BRWD1: variants seen among roughly 807,000 people sequenced by gnomAD.
The protein encoded by BRWD1 is bromodomain and WD repeat domain containing 1.
Under a neutral mutation model 251.2 loss-of-function variants are expected in BRWD1, and 82 were observed. The ratio of observed to expected loss-of-function variants is 0.33; its 90% CI spans 0.27 to 0.39. BRWD1 has a LOEUF of 0.39. Among genes scored for constraint, BRWD1 ranks in the 10% least tolerant of loss-of-function variants. The pLI is 1.00. For missense variants in BRWD1, 2,233 were observed against 2,711.6 expected, an observed-to-expected ratio of 0.82 and a Z score of 3.92; for synonymous variants, 918 against 902.8, an observed-to-expected ratio of 1.02 and a Z score of -0.30.
At chr21:39,312,773 G>A (rs1194763857) in intron 4 of BRWD1, 68 bp downstream of exon 4, 2 of 1,367,406 alleles carry the variant, frequency 1.5e-6, no homozygotes, top group East Asian at 2.7e-5. Flanking sequence ...GGGTCCCCGC[G>A]AGGGGAAGGG....
At chr21:39,276,772 T>C (rs1466393735) in intron 11 of BRWD1, among the ~76,000 whole-genome samples, 1 of 152,140 alleles carries the variant, frequency 6.6e-6, no homozygotes, top group African/African-American at 2.4e-5. Flanking sequence ...ACAGGCTCAC[T>C]TAAAGTTAAC....
At chr21:39,219,551 G>C (rs1480001298) in intron 29 of BRWD1, 1 of 152,226 alleles carries the variant, frequency 6.6e-6, no homozygotes. Context: ...CTCAGAGCAC[G>C]TTTACAATGA....
chr21:39,251,984 C>T (rs183619602), intron 19 of BRWD1, among the ~76,000 whole-genome samples: 167 of 152,116 alleles, frequency 1.1e-3, no homozygotes, highest in Non-Finnish European at 2.0e-3. Context: ...AATTTTTATA[C>T]GGCCGGGCGC....
chr21:39,260,942 C>T lies in BRWD1; in HGVS notation c.1886-2270G>A, dbSNP rs150839750. On this transcript the variant is annotated intron_variant, in intron 17 of 40. Transcript: ENST00000342449. Reference sequence around the variant, plus strand: ...ATTTGACTAAATACTGATACGTGGCCGGGCATGGTGGCTCACGCCTGTCTG... The same window carrying T: ...ATTTGACTAAATACTGATACGTGGCTGGGCATGGTGGCTCACGCCTGTCTG... Among the ~76,000 whole-genome samples, 4 of 152,238 alleles carry T rather than the reference C, an allele frequency of 2.6e-5. No homozygotes were observed. In the East Asian group the frequency reaches 5.8e-4, roughly 22 times the overall value.
chr21:39,265,127 A>AC, intron 15 of BRWD1, 108 bp from the exon 16 acceptor site: 1 of 1,262,624 alleles, frequency 7.9e-7, no homozygotes, highest in Non-Finnish European at 1.1e-6. Flanking sequence ...TTCTGAAAAA[A>AC]AAAAAAAAAG....
At chr21:39,221,164 A>G (rs1159753857) in intron 29 of BRWD1, among the ~76,000 whole-genome samples, 1 of 151,768 alleles carries the variant, frequency 6.6e-6, no homozygotes, top group East Asian at 1.9e-4. Context: ...TAAAAAAAAA[A>G]AAAAAAAAAA....
intron 21 of BRWD1, among the ~76,000 whole-genome samples, chr21:39,240,784 G>A (rs2033961066): frequency 6.6e-6 from 1 of 152,116 alleles, no homozygotes; most frequent in Admixed American, 6.5e-5. Context: ...GTATAAGAAG[G>A]ATAAATAACT....
chr21:39,220,598 T>C (rs2033137277), intron 29 of BRWD1, among the ~76,000 whole-genome samples: 2 of 152,216 alleles, frequency 1.3e-5, no homozygotes, highest in Admixed American at 1.3e-4. Context: ...ACACAGGTAA[T>C]ATATTAGGAA....
At position 39,195,294 on chromosome 21, in the gene BRWD1, T is replaced by C. The variant is rs551037478; in HGVS notation, c.*965A>G. 8.7e-5 allele frequency: 87 copies of C among 1,004,790 alleles called. No homozygotes were observed. In the East Asian group the frequency reaches 1.4e-3, roughly 16 times the overall value. 62.2% of individuals were successfully genotyped at this position (1,004,790 alleles called of 1,614,324 possible). A position where few individuals can be genotyped will look rare whatever the true frequency, so the allele number is the denominator to read the frequency against. Reference sequence around the variant, plus strand: ...CTCTTAACAAAACTCACCTCTACAATTGGAATACAGATGGGGGAAACCTAC... The same window carrying C: ...CTCTTAACAAAACTCACCTCTACAACTGGAATACAGATGGGGGAAACCTAC... On this transcript the variant is annotated 3_prime_UTR_variant, in exon 41 of 41. Transcript: ENST00000342449.
intron 32 of BRWD1, among the ~76,000 whole-genome samples, 178 bp downstream of exon 32, chr21:39,215,059 C>G (rs1415911760): frequency 7.9e-5 from 1 of 12,722 alleles, no homozygotes; most frequent in African/African-American, 3.8e-4. Flanking sequence ...TTAGTAGAGC[C>G]GGGGTTTCAC....
chr21:39,312,269 C>T (rs2036511456), intron 4 of BRWD1, among the ~76,000 whole-genome samples: 1 of 152,224 alleles, frequency 6.6e-6, no homozygotes, highest in Non-Finnish European at 1.5e-5. Context: ...CTACTGCGTT[C>T]AACAAATATT....
intron 8 of BRWD1, among the ~76,000 whole-genome samples, chr21:39,281,805 T>C (rs2035465931): frequency 1.3e-5 from 2 of 151,320 alleles, no homozygotes; most frequent in Non-Finnish European, 1.5e-5. Context: ...GAGGCAAAGG[T>C]TGCAGCAGGC....
At chr21:39,238,742 C>T (rs1226385318) in intron 21 of BRWD1, among the ~76,000 whole-genome samples, 169 bp from the exon 22 acceptor site, 1 of 152,210 alleles carries the variant, frequency 6.6e-6, no homozygotes, top group Admixed American at 6.5e-5. Context: ...TTCTTCACTA[C>T]ATCCCTTTCT....
At chr21:39,225,036 C>G (rs112400437) in intron 28 of BRWD1, 50 bp downstream of exon 28, 2 of 1,283,570 alleles carry the variant, frequency 1.6e-6, no homozygotes, top group East Asian at 4.6e-5. Context: ...ATACAGCAAC[C>G]TGCCACACTG....
At chr21:39,228,086 G>C (rs902664180) in intron 27 of BRWD1, among the ~76,000 whole-genome samples, 1 of 152,078 alleles carries the variant, frequency 6.6e-6, no homozygotes, top group Non-Finnish European at 1.5e-5. Context: ...TCAGGAGTTC[G>C]AGTCCAGCCT....
chr21:39,272,683 C>A (rs2035157182), intron 13 of BRWD1, among the ~76,000 whole-genome samples: 1 of 150,786 alleles, frequency 6.6e-6, no homozygotes, highest in Admixed American at 6.6e-5. Flanking sequence ...TCTAGGCTCA[C>A]TGAAACCTCT....
rs974795441 is a variant in BRWD1 at position 39,270,446 on chromosome 21, T to C, written c.1245-13A>G. ...GGAAGATAAGTCCCTAACAAAAAAA[T>C]ACACAACATGTAAACTTATTTAGAT... On this transcript the variant is annotated splice_polypyrimidine_tract_variant and intron_variant, in intron 13 of 40. Coordinates refer to ENST00000342449, the MANE Select transcript of BRWD1 (RefSeq NM_033656.4). 1 of 1,591,846 alleles carries C rather than the reference T, an allele frequency of 6.3e-7. No homozygotes were observed. The highest frequency in any genetic ancestry group is 1.3e-5 in the African/African-American group (1 of 74,110).
chr21:39,240,282 A>T (rs1356078822), intron 21 of BRWD1, among the ~76,000 whole-genome samples: 1 of 152,244 alleles, frequency 6.6e-6, no homozygotes, highest in African/African-American at 2.4e-5. Flanking sequence ...TTTTTAGGGC[A>T]GTAAAATCAT....
chr21:39,252,249 C>CAA (rs36017444), intron 19 of BRWD1, among the ~76,000 whole-genome samples: 53,242 of 121,500 alleles, frequency 0.44, 10,631 homozygotes, highest in Admixed American at 0.53. Flanking sequence ...AACTCCGTCT[C>CAA]AAAAAAAAAA....
Sources: allele counts gnomAD v4.1 joint callset (sites outside exome capture counted in the v4.1 genomes callset), GRCh38; gene constraint gnomAD v4.1.1; transcripts MANE v1.5; gene names NCBI Gene and HGNC (gene_info 2026-07-23, HGNC 2026-07-21).